Variants in ACOT12 observed in about 807,000 individuals in gnomAD.
The protein encoded by ACOT12 is acetyl-coenzyme A thioesterase.
In ACOT12, 51 loss-of-function variants were observed where a neutral mutation model predicts 67.7. That is an observed-to-expected ratio of 0.75 (90% CI 0.60 to 0.95). The LOEUF is 0.95. Among genes scored for constraint, ACOT12 ranks in the 40% least tolerant of loss-of-function variants. ACOT12 has a pLI of 0.00. For missense variants in ACOT12, 734 were observed against 708.1 expected (o/e 1.04, Z -0.41); for synonymous variants, 251 against 244.6 (o/e 1.03, Z -0.24).
intron 5 of ACOT12, among the ~76,000 whole-genome samples, chr5:81,350,736 A>C (rs78100588): frequency 2.0e-5 from 3 of 152,164 alleles, no homozygotes; most frequent in African/African-American, 7.2e-5. Flanking sequence ...CTTCATGAGG[A>C]TGCACTTGTG....
At chr5:81,352,808 A>C (rs1050193429) in intron 5 of ACOT12, among the ~76,000 whole-genome samples, 4 of 152,170 alleles carry the variant, frequency 2.6e-5, no homozygotes, top group African/African-American at 9.7e-5. Flanking sequence ...TGATTATTGC[A>C]CATTTGTATG....
At chr5:81,340,328 C>T (rs912177560) in intron 11 of ACOT12, among the ~76,000 whole-genome samples, 29 of 151,078 alleles carry the variant, frequency 1.9e-4, no homozygotes, top group African/African-American at 5.8e-4. Flanking sequence ...TGAGCCACTG[C>T]GCCTGCCCAG....
At chr5:81,343,943 T>C in intron 9 of ACOT12, 62 bp from the exon 10 acceptor site, 1 of 1,448,154 alleles carries the variant, frequency 6.9e-7, no homozygotes, top group Non-Finnish European at 9.6e-7. Flanking sequence ...CACACAACAA[T>C]AACCATAATA....
At chr5:81,336,322 C>G (rs1326579383) in intron 11 of ACOT12, among the ~76,000 whole-genome samples, 4 of 152,194 alleles carry the variant, frequency 2.6e-5, no homozygotes, top group Non-Finnish European at 5.9e-5. Context: ...GCTTAGGACA[C>G]TTTCCCAGGA....
chr5:81,336,037 A>G (rs200014577), intron 11 of ACOT12, 136 bp from the exon 12 acceptor site: 3 of 400,620 alleles, frequency 7.5e-6, no homozygotes, highest in South Asian at 3.7e-5. Context: ...TTGAAGCCCC[A>G]TGGCAATTTC....
At chr5:81,323,083 G>GAAAAAA in the ACOT12 span, among the ~76,000 whole-genome samples, 28 of 104,066 alleles carry the variant, frequency 2.7e-4, no homozygotes, top group Non-Finnish European at 2.8e-4. Context: ...ATAGCAAAAA[G>GAAAAAA]AAAAAAAAAA....
rs775587113 is a variant in ACOT12, at chr5:81,330,529, G to T, written c.1533C>A (p.Asn511Lys). ...AAGGAAGGATGCTAGCAGACATATG[G>T]TTAAAGTAAGATACCTGTTTCAAAA... The part of the protein sequence containing the change: ...DSNSCIVSYF[N>K]HMSASILPYF... The change falls in exon 15 of 15, where the codon AAC becomes AAA. Residue 511 changes from asparagine to lysine, a missense_variant. Physicochemically the swap from Asn to Lys is moderately conservative, Grantham distance 94. Transcript: ENST00000307624. The T allele has an allele frequency of 6.2e-7, 1 of 1,613,384 alleles. No homozygotes were observed. The highest frequency in any genetic ancestry group is 1.3e-5 in the African/African-American group (1 of 74,854).
At chr5:81,327,732 C>A (rs114429658), downstream of ACOT12, among the ~76,000 whole-genome samples, 6 of 152,294 alleles carry the variant, frequency 3.9e-5, no homozygotes, top group Non-Finnish European at 7.3e-5. Flanking sequence ...TGAGCCACCG[C>A]GGCTGGCTGA....
chr5:81,331,774 T>C (rs1307645428), intron 13 of ACOT12, among the ~76,000 whole-genome samples: 2 of 152,372 alleles, frequency 1.3e-5, no homozygotes, highest in Admixed American at 6.5e-5. Flanking sequence ...AATATCATTT[T>C]ACAAATATTG....
Position 81,347,887 on chromosome 5 carries a change from GC to G in ACOT12, c.539del (p.Gly180AlafsTer48), listed in dbSNP as rs1241466102. ...CCAGTTCAATGCTCTGAACGGAGGT[GC>G]CCCTTGTGGAAACCGCTCCTTCCTC... The part of the protein sequence containing the change: ...DEEEGAVSTR[G>X]TSVQSIELVL... On this transcript the variant is annotated frameshift_variant, in exon 6 of 15. Coordinates refer to ENST00000307624, the MANE Select transcript of ACOT12 (RefSeq NM_130767.3). LOFTEE classifies it high-confidence loss of function. The G allele has an allele frequency of 1.2e-6, 2 of 1,613,890 alleles. No homozygotes were observed. The highest frequency in any genetic ancestry group is 2.7e-5 in the African/African-American group (2 of 75,046).
chr5:81,327,407 T>C (rs887009069), downstream of ACOT12, among the ~76,000 whole-genome samples: 3 of 152,160 alleles, frequency 2.0e-5, no homozygotes, highest in Admixed American at 6.5e-5. Context: ...AGTAACTAGA[T>C]TGCATTGAAA....
intron 11 of ACOT12, among the ~76,000 whole-genome samples, chr5:81,340,009 G>T (rs142168692): frequency 1.1e-3 from 173 of 151,812 alleles, no homozygotes; most frequent in African/African-American, 4.1e-3. Flanking sequence ...ACAGGTGGAT[G>T]CTGTCAGACC....
chr5:81,351,847 G>T (rs1189992268), intron 5 of ACOT12, among the ~76,000 whole-genome samples: 1 of 152,090 alleles, frequency 6.6e-6, no homozygotes, highest in Non-Finnish European at 1.5e-5. Flanking sequence ...ATATTTGAAA[G>T]CTATCCATCT....
chr5:81,310,728 C>T, the ACOT12 span, among the ~76,000 whole-genome samples: 1 of 152,164 alleles, frequency 6.6e-6, no homozygotes, highest in Non-Finnish European at 1.5e-5. Flanking sequence ...CAAAAATTAA[C>T]TTTATTTCTT....
chr5:81,359,954 G>A lies in ACOT12; in HGVS notation c.445C>T (p.Gln149Ter). ...AAATTGTTAAAGGTATCTTCATGTT[G>A]TAATCGAACTTTCCTTCTCTCAGCA... ...LAAERRKVRL[Q>*]HEDTFNNLMK... The change falls in exon 5 of 15, where the codon CAA (glutamine) becomes TAA (stop). Residue 149 changes from glutamine (Q) to a stop codon, truncating the protein, a stop_gained. Coordinates refer to ENST00000307624, the MANE Select transcript of ACOT12 (RefSeq NM_130767.3). LOFTEE classifies it high-confidence loss of function. 6.2e-7 allele frequency: 1 copy of A among 1,612,368 alleles called. No individual in the cohort carries two copies. The highest frequency in any genetic ancestry group is 8.5e-7 in the Non-Finnish European group (1 of 1,179,484).
chr5:81,323,844 A>G, the ACOT12 span, among the ~76,000 whole-genome samples: 3 of 144,002 alleles, frequency 2.1e-5, no homozygotes, highest in East Asian at 5.8e-4. Context: ...ATGTATATGT[A>G]TATGTACATG....
rs763221562 is a variant in ACOT12 at position 81,330,530 on chromosome 5, T to C, written c.1532A>G (p.Asn511Ser). 6.2e-7 allele frequency: 1 copy of C among 1,613,520 alleles called. No homozygotes were observed. Among genetic ancestry groups the C allele is most frequent in the South Asian group, 1.1e-5 (1 of 91,008 alleles). ...AGGAAGGATGCTAGCAGACATATGG[T>C]TAAAGTAAGATACCTGTTTCAAAAA... ...DSNSCIVSYF[N>S]HMSASILPYF... is the part of the protein sequence containing the mutation. Residue 511 changes from asparagine to serine, a missense_variant, in exon 15 of 15, where the codon AAC becomes AGC. Asn to Ser is a conservative substitution (Grantham distance 46). Coordinates refer to ENST00000307624, the MANE Select transcript of ACOT12 (RefSeq NM_130767.3).
the ACOT12 span, among the ~76,000 whole-genome samples, chr5:81,310,243 GC>G: frequency 6.6e-6 from 1 of 150,830 alleles, no homozygotes; most frequent in African/African-American, 2.4e-5. Flanking sequence ...GCCTGTGTGT[GC>G]CTTGATTTTA....
the ACOT12 span, among the ~76,000 whole-genome samples, chr5:81,318,994 C>G: frequency 6.6e-6 from 1 of 151,824 alleles, no homozygotes. Flanking sequence ...TTCACAGCAA[C>G]TGTAATTGTG....
Sources: gnomAD v4.1 joint callset for allele counts (sites outside exome capture counted in the v4.1 genomes callset) on GRCh38, gnomAD v4.1.1 for gene constraint, MANE v1.5 for transcripts, NCBI Gene and HGNC (gene_info 2026-07-23, HGNC 2026-07-21) for gene names.